The following MAP3K9 variants were observed in gnomAD, a reference collection of about 807,000 sequenced individuals.
The protein encoded by MAP3K9 is mitogen-activated protein kinase kinase kinase 9, also known as mixed lineage kinase 1 (tyr and ser/thr specificity).
A neutral mutation model predicts 95.8 loss-of-function variants in MAP3K9; 46 were observed. The ratio of observed to expected loss-of-function variants is 0.48; its 90% CI spans 0.38 to 0.61. MAP3K9 has a LOEUF of 0.61. Among genes scored for constraint, MAP3K9 ranks in the 20% least tolerant of loss-of-function variants. The pLI, the probability that MAP3K9 is intolerant of heterozygous loss-of-function variation, is 0.00. For synonymous variants in MAP3K9, 533 were observed against 593.8 expected (o/e 0.90, Z 1.49); for missense variants, 1,296 against 1,474.3 (o/e 0.88, Z 1.98).
chr14:70,803,786 C>A (rs76342619), intron 1 of MAP3K9, among the ~76,000 whole-genome samples: 6,326 of 152,278 alleles, frequency 0.042, 135 homozygotes, highest in East Asian at 0.094. Flanking sequence ...AATGTCATGG[C>A]AGAACATTGT....
intron 2 of MAP3K9, among the ~76,000 whole-genome samples, chr14:70,784,554 C>T (rs2054724104): frequency 6.6e-6 from 1 of 152,218 alleles, no homozygotes; most frequent in Middle Eastern, 3.4e-3. Flanking sequence ...ACCAGCCTGG[C>T]CAATATGTTG....
chr14:70,804,733 T>C (rs745352234), intron 1 of MAP3K9, among the ~76,000 whole-genome samples: 2 of 152,124 alleles, frequency 1.3e-5, no homozygotes, highest in Admixed American at 6.5e-5. Flanking sequence ...AGTACTAGGG[T>C]GCTGAAAGGA....
intron 7 of MAP3K9, 25 bp downstream of exon 7, chr14:70,740,017 C>A (rs747048431): frequency 1.2e-6 from 2 of 1,614,132 alleles, no homozygotes; most frequent in Non-Finnish European, 1.7e-6. Flanking sequence ...GTTCTGGCCC[C>A]AGCTAATTTG....
Position 70,722,798 on chromosome 14 carries a change from A to G in MAP3K9, c.*7582T>C, listed in dbSNP as rs1247889060. The G allele has an allele frequency of 6.6e-6, 1 of 152,234 alleles. No individual in the cohort carries two copies. 9.4% of individuals were successfully genotyped at this position (152,234 alleles called of 1,614,324 possible). A position where few individuals can be genotyped will look rare whatever the true frequency, so the allele number is the denominator to read the frequency against. On this transcript the variant is annotated 3_prime_UTR_variant, in exon 12 of 12. Coordinates refer to ENST00000554752, the MANE Select transcript of MAP3K9 (RefSeq NM_001284230.2). ...CAAAGCAAAGTGGGAATTCAAGGAC[A>G]CGGGGTCAGGACACATGAACAAGAC...
chr14:70,783,193 A>G (rs554213850), intron 2 of MAP3K9: 17 of 857,012 alleles, frequency 2.0e-5, no homozygotes, highest in Non-Finnish European at 2.4e-5. Flanking sequence ...CCATGCAACT[A>G]GAGTCAAGCA....
At chr14:70,774,726 C>G (rs1461966579) in intron 2 of MAP3K9, among the ~76,000 whole-genome samples, 2 of 151,944 alleles carry the variant, frequency 1.3e-5, no homozygotes, top group African/African-American at 4.8e-5. Flanking sequence ...GTGGCTCACG[C>G]CTGTAATCCC....
At chr14:70,775,144 T>C (rs1224351087) in intron 2 of MAP3K9, among the ~76,000 whole-genome samples, 1 of 152,072 alleles carries the variant, frequency 6.6e-6, no homozygotes, top group Non-Finnish European at 1.5e-5. Flanking sequence ...TAAACATGTG[T>C]TTTTGTTACT....
chr14:70,782,216 A>C (rs968752580), intron 2 of MAP3K9, among the ~76,000 whole-genome samples: 1 of 152,230 alleles, frequency 6.6e-6, no homozygotes, highest in African/African-American at 2.4e-5. Flanking sequence ...AAGGATGGAA[A>C]GAATGCAGTG....
At chr14:70,762,684 C>T (rs1448390410) in intron 2 of MAP3K9, among the ~76,000 whole-genome samples, 1 of 152,136 alleles carries the variant, frequency 6.6e-6, no homozygotes, top group Non-Finnish European at 1.5e-5. Context: ...ATATTTCTCC[C>T]ATTCTACTGG....
Position 70,750,061 on chromosome 14 carries a change from T to C in MAP3K9, c.1022A>G (p.Glu341Gly). 1 of 1,614,102 alleles carries C rather than the reference T, an allele frequency of 6.2e-7. No individual in the cohort carries two copies. Among genetic ancestry groups the C allele is most frequent in the Non-Finnish European group, 8.5e-7 (1 of 1,180,016 alleles). The change falls in exon 4 of 12, where the codon GAG becomes GGG. Residue 341 changes from glutamate (E) to glycine (G), a missense_variant. By Grantham distance (98) the Glu-to-Gly change is moderately conservative. Coordinates refer to ENST00000554752, the MANE Select transcript of MAP3K9 (RefSeq NM_001284230.2). ...DVWSYGVLLWELLTGEVPFRG... is the reference protein window; with the variant it reads ...DVWSYGVLLWGLLTGEVPFRG... ...AAAGGGCACCTCACCAGTCAGCAAC[T>C]CCCAAAGTAGCACCCCATAGCTAAG...
intron 3 of MAP3K9, among the ~76,000 whole-genome samples, chr14:70,757,704 G>A (rs1451229497): frequency 6.6e-6 from 1 of 152,166 alleles, no homozygotes; most frequent in East Asian, 1.9e-4. Flanking sequence ...CATAAGGACA[G>A]ATATAGATTA....
At chr14:70,749,300 C>T (rs1265920879) in intron 4 of MAP3K9, among the ~76,000 whole-genome samples, 2 of 152,156 alleles carry the variant, frequency 1.3e-5, no homozygotes, top group African/African-American at 2.4e-5. Context: ...CAAAGCACCA[C>T]CACAACACAA....
rs973596308 is a variant in MAP3K9, at chr14:70,722,659, T to C, written c.*7721A>G. On this transcript the variant is annotated 3_prime_UTR_variant, in exon 12 of 12. Coordinates refer to ENST00000554752, the MANE Select transcript of MAP3K9 (RefSeq NM_001284230.2). ...CCTGCTTGGCATCCCTAGTTAACAATTTACAGTACCTCGAAAGAAAAAAAA... is the reference window on the plus strand; with the variant it reads ...CCTGCTTGGCATCCCTAGTTAACAACTTACAGTACCTCGAAAGAAAAAAAA... The C allele has an allele frequency of 1.3e-5, 2 of 150,984 alleles. No homozygotes were observed. The highest frequency in any genetic ancestry group is 1.3e-4 in the Admixed American group (2 of 15,180). The allele number at this position is 150,984 out of a possible 1,614,324, so 9.4% of individuals were successfully genotyped here.
At chr14:70,774,076 G>A (rs951863518) in intron 2 of MAP3K9, among the ~76,000 whole-genome samples, 2 of 152,182 alleles carry the variant, frequency 1.3e-5, no homozygotes, top group African/African-American at 4.8e-5. Flanking sequence ...CCAAGCTGCC[G>A]TAAAGTTAAT....
intron 2 of MAP3K9, among the ~76,000 whole-genome samples, chr14:70,780,269 G>A (rs1475246342): frequency 6.6e-6 from 1 of 152,184 alleles, no homozygotes; most frequent in African/African-American, 2.4e-5. Context: ...GCCTTGTTGG[G>A]CTGGAGGATA....
intron 2 of MAP3K9, among the ~76,000 whole-genome samples, chr14:70,793,213 G>A (rs1160869545): frequency 6.6e-6 from 1 of 152,232 alleles, no homozygotes; most frequent in South Asian, 2.1e-4. Flanking sequence ...GGAGACGTGG[G>A]CCAGTGAGTT....
intron 2 of MAP3K9, among the ~76,000 whole-genome samples, chr14:70,789,928 G>GC (rs2054788572): frequency 1.3e-5 from 2 of 152,280 alleles, no homozygotes; most frequent in African/African-American, 4.8e-5. Flanking sequence ...GTGACCTTGA[G>GC]CCCCACCTGG....
In MAP3K9 at chr14:70,750,092, G is replaced by C. The variant is rs1196280286; in HGVS notation, c.1002-11C>G. 3.7e-6 allele frequency: 6 copies of C among 1,613,744 alleles called. No individual in the cohort carries two copies. The highest frequency in any genetic ancestry group is 4.2e-6 in the Non-Finnish European group (5 of 1,179,842). On this transcript the variant is annotated splice_polypyrimidine_tract_variant and intron_variant, in intron 3 of 11. Coordinates refer to ENST00000554752, the MANE Select transcript of MAP3K9 (RefSeq NM_001284230.2). ...AGTAGCACCCCATAGCTAAGGAGAGGAAGAAGACAGAAGCCATGTAATAAA... is the reference window on the plus strand; with the variant it reads ...AGTAGCACCCCATAGCTAAGGAGAGCAAGAAGACAGAAGCCATGTAATAAA...
intron 2 of MAP3K9, among the ~76,000 whole-genome samples, chr14:70,778,866 C>G (rs1250339978): frequency 6.6e-6 from 1 of 152,178 alleles, no homozygotes; most frequent in African/African-American, 2.4e-5. Context: ...CTTGATGATG[C>G]CTTACCCTAC....
Sources: gnomAD v4.1 joint callset for allele counts (sites outside exome capture counted in the v4.1 genomes callset) on GRCh38, gnomAD v4.1.1 for gene constraint, MANE v1.5 for transcripts, NCBI Gene and HGNC (gene_info 2026-07-23, HGNC 2026-07-21) for gene names.